UMOD: variants seen among roughly 807,000 people sequenced by gnomAD.
The protein encoded by UMOD is uromodulin.
Under a neutral mutation model 66.0 loss-of-function variants are expected in UMOD, and 64 were observed. That is an observed-to-expected ratio of 0.97 (90% CI 0.79 to 1.19). The LOEUF (loss-of-function observed/expected upper bound fraction) is 1.19. Among genes scored for constraint, UMOD ranks in the 50% most tolerant of loss-of-function variants. The probability of loss-of-function intolerance (pLI) is 0.00; values close to 1 mark genes in which losing one functional copy is unlikely to be tolerated. For synonymous variants in UMOD, 398 were observed against 352.7 expected, an observed-to-expected ratio of 1.13 and a Z score of -1.44; for missense variants, 764 against 850.9, an observed-to-expected ratio of 0.90 and a Z score of 1.27.
rs553570712 is a variant in UMOD at position 20,338,728 on chromosome 16, G to A, written c.1578-1275C>T. Among the ~76,000 whole-genome samples, 14 of 151,548 alleles carry A rather than the reference G, an allele frequency of 9.2e-5. 1 individual carries two copies. In the East Asian group the frequency reaches 1.4e-3, roughly 15 times the overall value. ...AGGCTGGTCTCGAACTCCTGACCTCGTGATCCACCTGCCTCGGCCTCCCTG... is the reference window on the plus strand; with the variant it reads ...AGGCTGGTCTCGAACTCCTGACCTCATGATCCACCTGCCTCGGCCTCCCTG... On this transcript the variant is annotated intron_variant, in intron 7 of 10. Coordinates refer to ENST00000396138, the MANE Select transcript of UMOD (RefSeq NM_003361.4).
Position 20,348,593 on chromosome 16 carries a change from C to A in UMOD, c.708G>T (p.Pro236=), listed in dbSNP as rs750259929. 1.9e-6 allele frequency: 3 copies of A among 1,591,318 alleles called. No homozygotes were observed. Among genetic ancestry groups the A allele is most frequent in the Non-Finnish European group, 2.6e-6 (3 of 1,173,990 alleles). The stretch of plus-strand genomic sequence containing the variant: ...GGCTCACGATGCCCTCGTCGCTGGA[C>A]GGATGCGTGCCATTGAGCCACATGG... ...AAPMWLNGTH[P]SSDEGIVSRK... The change falls in exon 3 of 11, where the codon CCG becomes CCT. Residue 236 remains proline, a synonymous_variant. Transcript: ENST00000396138.
Position 20,337,272 on chromosome 16 carries a change from G to T in UMOD, c.1740+19C>A. On this transcript the variant is annotated intron_variant, in intron 8 of 10. Coordinates refer to ENST00000396138, the MANE Select transcript of UMOD (RefSeq NM_003361.4). Reference sequence around the variant, plus strand: ...TCTTTGGTTACAAGAGATGGGCTGGGGGAGGGGAGTCAACTCACAGGCTTG... The same window carrying T: ...TCTTTGGTTACAAGAGATGGGCTGGTGGAGGGGAGTCAACTCACAGGCTTG... 6.2e-7 allele frequency: 1 copy of T among 1,614,050 alleles called. No individual in the cohort carries two copies. The highest frequency in any genetic ancestry group is 8.5e-7 in the Non-Finnish European group (1 of 1,179,940).
At chr16:20,344,790 G>A (rs1965450746) in intron 5 of UMOD, among the ~76,000 whole-genome samples, 1 of 152,160 alleles carries the variant, frequency 6.6e-6, no homozygotes, top group Admixed American at 6.5e-5. Flanking sequence ...AGTTCCTTCA[G>A]TGACCCTAAC....
chr16:20,349,746 T>C (rs758191871), intron 2 of UMOD: 22 of 1,541,436 alleles, frequency 1.4e-5, no homozygotes, highest in Non-Finnish European at 1.0e-5. Flanking sequence ...CCCCTCCCTT[T>C]CTTTGCACAT....
At chr16:20,337,214 G>A in intron 8 of UMOD, 77 bp downstream of exon 8, 1 of 1,569,044 alleles carries the variant, frequency 6.4e-7, no homozygotes, top group Non-Finnish European at 8.7e-7. Flanking sequence ...AAACAGGGAA[G>A]AAATATTGAT....
chr16:20,354,713 C>A (rs1966005738), upstream of UMOD, among the ~76,000 whole-genome samples: 1 of 152,060 alleles, frequency 6.6e-6, no homozygotes. Flanking sequence ...TAAGTGTAAT[C>A]ACCATGCTTT....
At chr16:20,355,330 T>C (rs1250033872), upstream of UMOD, among the ~76,000 whole-genome samples, 1 of 152,150 alleles carries the variant, frequency 6.6e-6, no homozygotes, top group Non-Finnish European at 1.5e-5. Context: ...GCACAATAAA[T>C]ATTTGTTTTT....
At chr16:20,352,787 T>G, upstream of UMOD, 182 of 1,191,656 alleles carry the variant, frequency 1.5e-4, no homozygotes, top group Non-Finnish European at 1.8e-4. Flanking sequence ...AATTAGTCTC[T>G]AGTTCTGTTT....
At chr16:20,352,552 G>A (rs1965950052) in intron 1 of UMOD, 137 bp downstream of exon 1, 2 of 529,374 alleles carry the variant, frequency 3.8e-6, no homozygotes, top group East Asian at 7.0e-5. Context: ...TAAAGATCAT[G>A]AAGCCAATAA....
At chr16:20,352,339 G>A (rs78992074) in intron 1 of UMOD, among the ~76,000 whole-genome samples, 2,666 of 152,090 alleles carry the variant, frequency 0.018, 74 homozygotes, top group African/African-American at 0.061. Context: ...AATAAGATGC[G>A]ACCTAAAACA....
intron 7 of UMOD, among the ~76,000 whole-genome samples, chr16:20,338,708 G>A (rs1353804594): frequency 6.6e-6 from 1 of 151,970 alleles, no homozygotes; most frequent in Non-Finnish European, 1.5e-5. Flanking sequence ...TGACCAGGCT[G>A]GTCTCGAACT....
rs1298806249 is a variant in UMOD, at chr16:20,348,869, A to G, written c.432T>C (p.Asp144=). ...LCVCPAGYRG[D]GWHCECSPGS... ...CCGGGGAGCACTCACAGTGCCATCC[A>G]TCCCCCCGGTAGCCCGCGGGGCATA... The change falls in exon 3 of 11, where the codon GAT becomes GAC. Residue 144 remains aspartate (D), a synonymous_variant. Coordinates refer to ENST00000396138, the MANE Select transcript of UMOD (RefSeq NM_003361.4). 6.5e-7 allele frequency: 1 copy of G among 1,549,756 alleles called. No homozygotes were observed. Among genetic ancestry groups the G allele is most frequent in the Admixed American group, 2.0e-5 (1 of 51,126 alleles).
At position 20,334,976 on chromosome 16, in the gene UMOD, C is replaced by T. The variant is rs577027040; in HGVS notation, c.1861+506G>A. Among the ~76,000 whole-genome samples, 7 of 151,732 alleles carry T rather than the reference C, an allele frequency of 4.6e-5. 1 individual carries two copies. The highest frequency in any genetic ancestry group is 4.2e-4 in the South Asian group (2 of 4,790). ...GCCTCCCAAGTAGCTGGGAGGCGCG[C>T]GCCACCACACCCAGCTAACTTTTGT... On this transcript the variant is annotated intron_variant, in intron 10 of 10. Transcript: ENST00000396138.
At chr16:20,346,973 C>T (rs1170034948) in intron 4 of UMOD, among the ~76,000 whole-genome samples, 1 of 152,242 alleles carries the variant, frequency 6.6e-6, no homozygotes, top group African/African-American at 2.4e-5. Context: ...ACAGTCCCAG[C>T]TTGCCACTAA....
chr16:20,352,761 T>C, upstream of UMOD: 1 of 1,230,474 alleles, frequency 8.1e-7, no homozygotes. Flanking sequence ...TGCCCCAGGC[T>C]GGCAATCTCT....
intron 5 of UMOD, 119 bp downstream of exon 5, chr16:20,346,007 T>C: frequency 1.1e-6 from 1 of 887,708 alleles, no homozygotes. Context: ...TTACAGTTGA[T>C]GAAACTGAGG....
intron 10 of UMOD, among the ~76,000 whole-genome samples, chr16:20,333,637 T>A (rs1221727420): frequency 6.6e-6 from 1 of 152,144 alleles, no homozygotes; most frequent in African/African-American, 2.4e-5. Context: ...TATCCAACCA[T>A]CCTTAGAGAC....
At chr16:20,338,864 A>G (rs909360644) in intron 7 of UMOD, among the ~76,000 whole-genome samples, 6 of 152,130 alleles carry the variant, frequency 3.9e-5, no homozygotes, top group African/African-American at 1.4e-4. Flanking sequence ...GGTTCAAGCA[A>G]TTCTCCTGCC....
rs552319177 is a variant in UMOD, at chr16:20,349,613, GCTC to G, written c.89-404_89-402del. The G allele has an allele frequency of 3.1e-3, 4,384 of 1,410,304 alleles. 15 individuals are homozygous for G. The highest frequency in any genetic ancestry group is 3.5e-3 in the Non-Finnish European group (3,728 of 1,076,580). 87.4% of individuals were successfully genotyped at this position (1,410,304 alleles called of 1,614,324 possible). A position where few individuals can be genotyped will look rare whatever the true frequency, so the allele number is the denominator to read the frequency against. ...CCACAGGCACGTGCAATCGCGCCCA[GCTC>G]CACCATTCATTTTTTGTGTTAAGCA... On this transcript the variant is annotated intron_variant, in intron 2 of 10. Transcript: ENST00000396138.
Sources: allele counts gnomAD v4.1 joint callset (sites outside exome capture counted in the v4.1 genomes callset), GRCh38; gene constraint gnomAD v4.1.1; transcripts MANE v1.5; gene names NCBI Gene and HGNC (gene_info 2026-07-23, HGNC 2026-07-21).